NFATC2: variants seen among roughly 807,000 people sequenced by gnomAD.
The protein encoded by NFATC2 is nuclear factor of activated T cells 2, also known as nuclear factor of activated T-cells, cytoplasmic 2.
Under a neutral mutation model 87.3 loss-of-function variants are expected in NFATC2, and 22 were observed. The observed-to-expected ratio is 0.25, with a 90% CI of 0.18 to 0.36. The LOEUF is 0.36. Ranked by LOEUF, NFATC2 falls within the 10% of genes least tolerant of loss-of-function variation. The pLI is 1.00. For missense variants in NFATC2, 1,149 were observed against 1,259.1 expected (o/e 0.91, Z 1.32); for synonymous variants, 565 against 542.2 (o/e 1.04, Z -0.58).
chr20:51,394,672 C>T (rs1244303957), intron 10 of NFATC2, among the ~76,000 whole-genome samples: 2 of 144,230 alleles, frequency 1.4e-5, no homozygotes, highest in Non-Finnish European at 2.9e-5. Context: ...AACACAGAAG[C>T]TTAGAAAGGG....
chr20:51,453,338 G>A (rs1386934972), intron 6 of NFATC2, among the ~76,000 whole-genome samples: 2 of 152,208 alleles, frequency 1.3e-5, no homozygotes, highest in African/African-American at 4.8e-5. Flanking sequence ...TTGAATGGCA[G>A]CCCTCAGAGG....
chr20:51,408,405 T>A (rs1366021746), intron 9 of NFATC2, among the ~76,000 whole-genome samples: 1 of 150,578 alleles, frequency 6.6e-6, no homozygotes, highest in Non-Finnish European at 1.5e-5. Flanking sequence ...TCCCAGCTAC[T>A]CGGGAGGCTA....
intron 1 of NFATC2, among the ~76,000 whole-genome samples, chr20:51,534,028 A>G (rs1339806305): frequency 6.6e-6 from 1 of 152,038 alleles, no homozygotes; most frequent in Non-Finnish European, 1.5e-5. Flanking sequence ...AGATATTCCT[A>G]TTTTTAGTCA....
chr20:51,522,627 A>G (rs1167127925), intron 2 of NFATC2, among the ~76,000 whole-genome samples: 1 of 151,698 alleles, frequency 6.6e-6, no homozygotes, highest in Non-Finnish European at 1.5e-5. Context: ...AGATGCTAAC[A>G]AACATCACTT....
In NFATC2 at chr20:51,389,368, C is replaced by A. The variant is rs1163685525; in HGVS notation, c.*2128G>T. 6.6e-6 allele frequency: 1 copy of A among 151,102 alleles called. No homozygotes were observed. Among genetic ancestry groups the A allele is most frequent in the Non-Finnish European group, 1.5e-5 (1 of 68,034 alleles). 9.4% of individuals were successfully genotyped at this position (151,102 alleles called of 1,614,324 possible). A position where few individuals can be genotyped will look rare whatever the true frequency, so the allele number is the denominator to read the frequency against. ...CTCATGTACAAAAAACAGCTCCTAG[C>A]CAGTCCTAGCCAGGTCGAGTGAGAA... On this transcript the variant is annotated 3_prime_UTR_variant, in exon 11 of 11. Coordinates refer to ENST00000371564, the MANE Select transcript of NFATC2 (RefSeq NM_012340.5).
intron 3 of NFATC2, among the ~76,000 whole-genome samples, chr20:51,509,611 C>T (rs574034745): frequency 3.9e-5 from 6 of 152,296 alleles, no homozygotes; most frequent in Non-Finnish European, 7.3e-5. Context: ...TCCTGTCTCA[C>T]GTCCCCAAAC....
chr20:51,442,208 G>A (rs1255409956), intron 6 of NFATC2, among the ~76,000 whole-genome samples: 4 of 152,182 alleles, frequency 2.6e-5, no homozygotes, highest in Non-Finnish European at 5.9e-5. Context: ...GAGGTGGGTG[G>A]ATCACTTGAG....
In NFATC2 at chr20:51,391,539, C is replaced by T. The variant is rs1224358758; in HGVS notation, c.*45-88G>A. 3 of 1,341,484 alleles carry T rather than the reference C, an allele frequency of 2.2e-6. No individual in the cohort carries two copies. In the East Asian group the frequency reaches 6.9e-5, roughly 31 times the overall value. 83.1% of individuals were successfully genotyped at this position (1,341,484 alleles called of 1,614,324 possible). On this transcript the variant is annotated intron_variant, in intron 10 of 10. Coordinates refer to ENST00000371564, the MANE Select transcript of NFATC2 (RefSeq NM_012340.5). ...ATGCATCAGGTTCACTTTCTAGAAC[C>T]TCTATTGGGCTATTGATTTTTGAGA...
At chr20:51,424,198 T>TA (rs1981408716) in intron 9 of NFATC2, among the ~76,000 whole-genome samples, 1 of 152,198 alleles carries the variant, frequency 6.6e-6, no homozygotes, top group Admixed American at 6.6e-5. Context: ...GGCTCCTCTG[T>TA]AGGCAACCAC....
chr20:51,469,574 T>C (rs1988008376), intron 5 of NFATC2, among the ~76,000 whole-genome samples: 1 of 152,106 alleles, frequency 6.6e-6, no homozygotes, highest in African/African-American at 2.4e-5. Context: ...GAACGTACCT[T>C]ATTTGGAACC....
At chr20:51,398,353 C>G (rs1461508766) in intron 10 of NFATC2, among the ~76,000 whole-genome samples, 1 of 152,090 alleles carries the variant, frequency 6.6e-6, no homozygotes, top group Non-Finnish European at 1.5e-5. Context: ...AAGGAGCAGG[C>G]TCCAAAGACG....
intron 6 of NFATC2, among the ~76,000 whole-genome samples, chr20:51,436,158 G>A (rs1983533971): frequency 6.6e-6 from 1 of 152,118 alleles, no homozygotes; most frequent in South Asian, 2.1e-4. Context: ...CTCACTGCCT[G>A]ACTGACAGGC....
At chr20:51,411,333 T>G (rs1358590147) in intron 9 of NFATC2, among the ~76,000 whole-genome samples, 1 of 151,996 alleles carries the variant, frequency 6.6e-6, no homozygotes, top group Admixed American at 6.6e-5. Context: ...AAAGTGACCC[T>G]GAGTTAACCA....
chr20:51,469,023 G>GT (rs1987955298), intron 5 of NFATC2, among the ~76,000 whole-genome samples: 1 of 96,914 alleles, frequency 1.0e-5, no homozygotes, highest in Non-Finnish European at 2.3e-5. Context: ...CAGGACATCA[G>GT]TATTTTTTTT....
At chr20:51,431,739 T>C (rs1982740103) in intron 9 of NFATC2, among the ~76,000 whole-genome samples, 1 of 152,102 alleles carries the variant, frequency 6.6e-6, no homozygotes, top group Non-Finnish European at 1.5e-5. Context: ...ATCTGGCAAT[T>C]GGAAAGAGTG....
intron 3 of NFATC2, among the ~76,000 whole-genome samples, chr20:51,504,908 T>C (rs575893717): frequency 6.7e-6 from 1 of 150,226 alleles, no homozygotes; most frequent in East Asian, 2.0e-4. Context: ...TGAGCTCAAG[T>C]GTGCAGGCGC....
intron 9 of NFATC2, among the ~76,000 whole-genome samples, chr20:51,400,825 C>CGACTT (rs1568929721): frequency 6.6e-6 from 1 of 152,128 alleles, no homozygotes; most frequent in African/African-American, 2.4e-5. Flanking sequence ...AAAGATGGGG[C>CGACTT]GACTTGTCCA....
chr20:51,406,026 C>T (rs186137212), intron 9 of NFATC2, among the ~76,000 whole-genome samples: 47 of 152,334 alleles, frequency 3.1e-4, no homozygotes, highest in Admixed American at 3.1e-3. Flanking sequence ...ATCCGCTGGC[C>T]TTGGCCTCCC....
rs557487085 is a variant in NFATC2, at chr20:51,397,310, A to G, written c.*44+1333T>C. ...ATCTTCTCCAGGGAAACCTGGCCGT[A>G]CTTGAGTGAGGCTCAGTGAAAAGAA... On this transcript the variant is annotated intron_variant, in intron 10 of 10. Coordinates refer to ENST00000371564, the MANE Select transcript of NFATC2 (RefSeq NM_012340.5). 2.6e-5 allele frequency among the ~76,000 whole-genome samples: 4 copies of G among 152,350 alleles called. No individual in the cohort carries two copies. The South Asian group carries it at 8.3e-4, about 32-fold the overall frequency.
Sources: allele counts gnomAD v4.1 joint callset (sites outside exome capture counted in the v4.1 genomes callset), GRCh38; gene constraint gnomAD v4.1.1; transcripts MANE v1.5; gene names NCBI Gene and HGNC (gene_info 2026-07-23, HGNC 2026-07-21).